Variants in TIMP3 observed in about 807,000 individuals in gnomAD.
TIMP3 encodes the protein TIMP metallopeptidase inhibitor 3, also known as metalloproteinase inhibitor 3.
A neutral mutation model predicts 30.0 loss-of-function variants in TIMP3; 11 were observed. The ratio of observed to expected loss-of-function variants is 0.37; its 90% confidence interval spans 0.23 to 0.61. TIMP3 has a LOEUF of 0.61. Ranked by LOEUF, TIMP3 falls within the 20% of genes least tolerant of loss-of-function variation. The probability of loss-of-function intolerance (pLI) is 0.70; values close to 1 mark genes in which losing one functional copy is unlikely to be tolerated. For missense variants in TIMP3, 181 were observed against 276.8 expected (o/e 0.65, Z 2.45); for synonymous variants, 112 against 111.3 (o/e 1.01, Z -0.04).
chr22:32,830,953 G>T (rs770310478), intron 1 of TIMP3, among the ~76,000 whole-genome samples: 3 of 151,758 alleles, frequency 2.0e-5, no homozygotes, highest in East Asian at 3.9e-4. Flanking sequence ...AAAAATGTGT[G>T]TTTTTTTTTC....
Position 32,862,857 on chromosome 22 carries a change from C to A in TIMP3, c.*3480C>A, listed in dbSNP as rs551762820. 6.5e-6 allele frequency: 1 copy of A among 152,728 alleles called. No homozygotes were observed. The highest frequency in any genetic ancestry group is 1.5e-5 in the Non-Finnish European group (1 of 68,048). The allele number at this position is 152,728 out of a possible 1,614,324, so 9.5% of individuals were successfully genotyped here. ...TGATGGAGAGAAACCAACAAGAGAT[C>A]TCGAACCCTGTCTAGAAGGAATGTA... On this transcript the variant is annotated 3_prime_UTR_variant, in exon 5 of 5. Coordinates refer to ENST00000266085, the MANE Select transcript of TIMP3 (RefSeq NM_000362.5).
chr22:32,853,890 T>C (rs757176703), intron 2 of TIMP3, among the ~76,000 whole-genome samples: 93 of 152,190 alleles, frequency 6.1e-4, no homozygotes, highest in Non-Finnish European at 1.9e-4. Flanking sequence ...ACTTTCCAAG[T>C]GGCGAACACA....
intron 1 of TIMP3, among the ~76,000 whole-genome samples, chr22:32,833,118 A>T (rs1041796419): frequency 2.0e-5 from 3 of 152,146 alleles, no homozygotes; most frequent in Admixed American, 6.5e-5. Flanking sequence ...CCAGCAGTAA[A>T]AAGATTCCAA....
chr22:32,848,178 C>T (rs995420229), intron 1 of TIMP3, among the ~76,000 whole-genome samples: 4 of 152,244 alleles, frequency 2.6e-5, no homozygotes, highest in African/African-American at 7.2e-5. Context: ...AAGTCCTCTC[C>T]TCTTTCTGTT....
intron 1 of TIMP3, among the ~76,000 whole-genome samples, chr22:32,807,371 T>TATATATAATATATATA (rs1491462982): frequency 0.013 from 1,419 of 111,032 alleles, 13 homozygotes; most frequent in Non-Finnish European, 0.018. Context: ...TAATATATAT[T>TATATATAATATATATA]ATATATAATA....
chr22:32,818,754 G>A (rs1310663139), intron 1 of TIMP3, among the ~76,000 whole-genome samples: 1 of 152,152 alleles, frequency 6.6e-6, no homozygotes, highest in East Asian at 1.9e-4. Flanking sequence ...AAAGTCTCAG[G>A]ATAAAACTGC....
chr22:32,822,662 G>A (rs530653064), intron 1 of TIMP3, among the ~76,000 whole-genome samples: 53 of 152,162 alleles, frequency 3.5e-4, no homozygotes, highest in Non-Finnish European at 5.9e-4. Context: ...CGTTCATACA[G>A]TGAAGATCTG....
At chr22:32,832,504 T>C (rs1008017102) in intron 1 of TIMP3, among the ~76,000 whole-genome samples, 6 of 151,668 alleles carry the variant, frequency 4.0e-5, no homozygotes, top group Admixed American at 1.3e-4. Context: ...CCCAGGGCTC[T>C]TCTTGCTATT....
chr22:32,851,572 T>G (rs141964680), intron 2 of TIMP3, among the ~76,000 whole-genome samples: 17 of 152,278 alleles, frequency 1.1e-4, no homozygotes, highest in African/African-American at 4.1e-4. Flanking sequence ...TCGCCTGAGC[T>G]CATGAATCAT....
rs1361601264 is a variant in TIMP3 at position 32,859,900 on chromosome 22, C to G, written c.*523C>G. On this transcript the variant is annotated 3_prime_UTR_variant, in exon 5 of 5. Transcript: ENST00000266085. ...CAAGGTGTGTGAAAGATGTTATACA[C>G]CAGGAGCTGCCACTGCATGTCCCAA... The G allele has an allele frequency of 1.2e-5, 2 of 165,716 alleles. No individual in the cohort carries two copies. The highest frequency in any genetic ancestry group is 2.6e-5 in the Non-Finnish European group (2 of 76,446). 10.3% of individuals were successfully genotyped at this position (165,716 alleles called of 1,614,324 possible).
At chr22:32,805,040 TGC>T (rs1334759365) in intron 1 of TIMP3, among the ~76,000 whole-genome samples, 21 of 134,658 alleles carry the variant, frequency 1.6e-4, no homozygotes, top group East Asian at 2.1e-4. Flanking sequence ...TGTGTGTGTG[TGC>T]GCGTGTGTGG....
At position 32,849,910 on chromosome 22, in the gene TIMP3, A is replaced by G. The variant is rs916344485; in HGVS notation, c.204+376A>G. ...GAGGGGGTTGGACTAGATCATCTCT[A>G]TGAACTCTTCTGAGCTCTGACTATC... On this transcript the variant is annotated intron_variant, in intron 2 of 4. Transcript: ENST00000266085. Among the ~76,000 whole-genome samples, 4 of 151,878 alleles carry G rather than the reference A, an allele frequency of 2.6e-5. No homozygotes were observed. In the East Asian group the frequency reaches 5.8e-4, roughly 22 times the overall value.
chr22:32,852,592 C>G (rs1466088579), intron 2 of TIMP3, among the ~76,000 whole-genome samples: 1 of 152,148 alleles, frequency 6.6e-6, no homozygotes, highest in Non-Finnish European at 1.5e-5. Context: ...ACTAAAGGAA[C>G]TTGGAGAACC....
intron 1 of TIMP3, among the ~76,000 whole-genome samples, chr22:32,821,172 C>T (rs566741353): frequency 1.3e-5 from 2 of 152,228 alleles, no homozygotes; most frequent in South Asian, 4.1e-4. Flanking sequence ...GATGGAATCC[C>T]GTCTCTGCCT....
In TIMP3 at chr22:32,830,611, C is replaced by T. The variant is rs117974162; in HGVS notation, c.122-18841C>T. 1.7e-4 allele frequency among the ~76,000 whole-genome samples: 26 copies of T among 152,238 alleles called. No homozygotes were observed. The East Asian group carries it at 4.6e-3, about 27-fold the overall frequency. ...GCACAGGCAGCTGGGAATAGATATG[C>T]GAGTTAAAGGAATTCTCGTTGGAAA... is the stretch of plus-strand genomic sequence containing the variant. On this transcript the variant is annotated intron_variant, in intron 1 of 4. Coordinates refer to ENST00000266085, the MANE Select transcript of TIMP3 (RefSeq NM_000362.5).
chr22:32,851,597 G>A (rs886251176), intron 2 of TIMP3, among the ~76,000 whole-genome samples: 1 of 152,122 alleles, frequency 6.6e-6, no homozygotes, highest in Non-Finnish European at 1.5e-5. Context: ...CTGGGAATTA[G>A]ATGTAGGATC....
intron 1 of TIMP3, among the ~76,000 whole-genome samples, chr22:32,827,694 GC>G (rs1303468516): frequency 3.3e-5 from 5 of 152,278 alleles, no homozygotes; most frequent in African/African-American, 1.2e-4. Flanking sequence ...CCTGCTCAAA[GC>G]CCTCCAGTGG....
At chr22:32,825,935 A>G (rs1385427412) in intron 1 of TIMP3, among the ~76,000 whole-genome samples, 4 of 152,158 alleles carry the variant, frequency 2.6e-5, no homozygotes, top group African/African-American at 7.2e-5. Context: ...ATTTTGGATG[A>G]TTCTATTAGC....
intron 1 of TIMP3, among the ~76,000 whole-genome samples, chr22:32,836,839 T>C (rs1347996897): frequency 2.6e-5 from 4 of 152,222 alleles, no homozygotes; most frequent in African/African-American, 9.6e-5. Context: ...AAGTTATAGA[T>C]GTACCAGGGT....
Sources: allele counts gnomAD v4.1 joint callset (sites outside exome capture counted in the v4.1 genomes callset), GRCh38; gene constraint gnomAD v4.1.1; transcripts MANE v1.5; gene names NCBI Gene and HGNC (gene_info 2026-07-23, HGNC 2026-07-21).